Variants in HMBOX1 observed in about 807,000 individuals in gnomAD.
HMBOX1 encodes the protein homeobox-containing protein 1.
Under a neutral mutation model 54.5 loss-of-function variants are expected in HMBOX1, and 14 were observed. The ratio of observed to expected loss-of-function variants is 0.26; its 90% CI spans 0.17 to 0.40. The LOEUF (loss-of-function observed/expected upper bound fraction) is 0.40, where lower values mean the gene tolerates loss of function less well. HMBOX1 is among the 10% of genes least tolerant of loss of function. The pLI, the probability that HMBOX1 is intolerant of heterozygous loss-of-function variation, is 1.00. For synonymous variants in HMBOX1, 160 were observed against 181.0 expected (o/e 0.88, Z 0.93); for missense variants, 332 against 514.4 (o/e 0.65, Z 3.43).
At chr8:28,978,070 C>A (rs962695007) in intron 3 of HMBOX1, among the ~76,000 whole-genome samples, 3 of 152,034 alleles carry the variant, frequency 2.0e-5, no homozygotes, top group African/African-American at 7.2e-5. Context: ...TTAATTTTTT[C>A]CTTTAGGAAT....
intron 4 of HMBOX1, among the ~76,000 whole-genome samples, chr8:29,000,002 T>G (rs1832403199): frequency 6.6e-6 from 1 of 152,242 alleles, no homozygotes; most frequent in Non-Finnish European, 1.5e-5. Context: ...ATGTGGAAAC[T>G]CTGGAAATCA....
intron 6 of HMBOX1, among the ~76,000 whole-genome samples, chr8:29,027,688 G>C (rs1802279046): frequency 1.3e-5 from 2 of 152,150 alleles, no homozygotes; most frequent in Non-Finnish European, 2.9e-5. Context: ...ATAAATGTGA[G>C]AATACCTAGC....
At position 28,954,197 on chromosome 8, in the gene HMBOX1, T is replaced by C. The variant is rs1470872370; in HGVS notation, c.-57-9614T>C. Among the ~76,000 whole-genome samples, 4 of 152,192 alleles carry C rather than the reference T, an allele frequency of 2.6e-5. No individual in the cohort carries two copies. The East Asian group carries it at 7.7e-4, about 29-fold the overall frequency. On this transcript the variant is annotated intron_variant, in intron 1 of 9. Transcript: ENST00000287701. ...AATTTATGGGATTCTGAGCATTGCA[T>C]ACTTCTCTATTTTAAACTTTTTTGG...
chr8:29,015,283 C>T (rs1407303766), intron 5 of HMBOX1, among the ~76,000 whole-genome samples: 6 of 152,102 alleles, frequency 3.9e-5, no homozygotes, highest in South Asian at 2.1e-4. Flanking sequence ...AGGAGCATGC[C>T]GCAATTATGG....
intron 1 of HMBOX1, among the ~76,000 whole-genome samples, chr8:28,916,231 C>G (rs939759374): frequency 6.6e-6 from 1 of 152,190 alleles, no homozygotes; most frequent in Non-Finnish European, 1.5e-5. Flanking sequence ...TCCCCAGAAT[C>G]CCTCAGCAGA....
intron 1 of HMBOX1, among the ~76,000 whole-genome samples, chr8:28,906,008 G>C (rs1396029222): frequency 1.3e-5 from 2 of 152,070 alleles, no homozygotes; most frequent in Non-Finnish European, 2.9e-5. Flanking sequence ...ATTTATGCAG[G>C]CTGACTCATT....
intron 5 of HMBOX1, among the ~76,000 whole-genome samples, chr8:29,016,997 G>T (rs1227566592): frequency 6.6e-6 from 1 of 152,200 alleles, no homozygotes; most frequent in Non-Finnish European, 1.5e-5. Context: ...GGAGGTTGAT[G>T]TCCACATTCC....
chr8:29,050,925 G>A lies in HMBOX1; in HGVS notation c.1126-93G>A, dbSNP rs777901716. The A allele has an allele frequency of 1.3e-4, 164 of 1,293,500 alleles. 1 individual carries two copies. Among genetic ancestry groups the A allele is most frequent in the Non-Finnish European group, 1.5e-4 (140 of 937,584 alleles). The allele number at this position is 1,293,500 out of a possible 1,614,324, so 80.1% of individuals were successfully genotyped here. A position where few individuals can be genotyped will look rare whatever the true frequency, so the allele number is the denominator to read the frequency against. ...AGCCCCTCCCCCAGTTTCCTCCCACGAATGTTCTGCCTCCCCTTGCCCCAG... is the reference window on the plus strand; with the variant it reads ...AGCCCCTCCCCCAGTTTCCTCCCACAAATGTTCTGCCTCCCCTTGCCCCAG... On this transcript the variant is annotated intron_variant, in intron 9 of 9. Transcript: ENST00000287701.
chr8:28,915,767 T>C (rs894108638), intron 1 of HMBOX1: 2 of 151,910 alleles, frequency 1.3e-5, no homozygotes, highest in Non-Finnish European at 2.9e-5. Context: ...CCTGATCAGC[T>C]TTAGCACACT....
At chr8:29,027,098 A>G (rs544208375) in intron 6 of HMBOX1, among the ~76,000 whole-genome samples, 24 of 152,326 alleles carry the variant, frequency 1.6e-4, no homozygotes, top group African/African-American at 5.5e-4. Flanking sequence ...TTTTTTTAAT[A>G]AAGCATTTGC....
chr8:28,928,401 G>T (rs1032732238), intron 1 of HMBOX1, among the ~76,000 whole-genome samples: 2 of 152,098 alleles, frequency 1.3e-5, no homozygotes, highest in Non-Finnish European at 2.9e-5. Context: ...AATCTGAGAG[G>T]TCTATTGGGA....
At chr8:28,919,800 G>A (rs1401257750) in intron 1 of HMBOX1, among the ~76,000 whole-genome samples, 4 of 152,042 alleles carry the variant, frequency 2.6e-5, no homozygotes, top group South Asian at 2.1e-4. Flanking sequence ...ATCAAATTTT[G>A]TTACACATGA....
chr8:29,015,225 C>G (rs1303790343), intron 5 of HMBOX1, among the ~76,000 whole-genome samples: 2 of 152,134 alleles, frequency 1.3e-5, no homozygotes, highest in African/African-American at 4.8e-5. Context: ...GGTTAGGATT[C>G]TTTCTGTTCT....
At chr8:28,948,760 G>T (rs1325512625) in intron 1 of HMBOX1, among the ~76,000 whole-genome samples, 1 of 152,042 alleles carries the variant, frequency 6.6e-6, no homozygotes, top group African/African-American at 2.4e-5. Context: ...GTTAATATCA[G>T]TTCTAGCTTA....
chr8:28,978,022 A>G (rs1032469103), intron 3 of HMBOX1, among the ~76,000 whole-genome samples: 2 of 152,164 alleles, frequency 1.3e-5, no homozygotes, highest in African/African-American at 4.8e-5. Context: ...ACCAGAATCT[A>G]GATCAGTATG....
chr8:29,051,526 GT>G lies in HMBOX1; in HGVS notation c.*372del, dbSNP rs1806423728. On this transcript the variant is annotated 3_prime_UTR_variant, in exon 10 of 10. Coordinates refer to ENST00000287701, the MANE Select transcript of HMBOX1 (RefSeq NM_001135726.3). ...GTACCTTTAGATTCTTGTAACACTAGTCTGTACTCCCTTTTCCTTCCCCAAG... is the reference window on the plus strand; with the variant it reads ...GTACCTTTAGATTCTTGTAACACTAGCTGTACTCCCTTTTCCTTCCCCAAG... The G allele has an allele frequency of 2.8e-6, 2 of 702,926 alleles. No homozygotes were observed. Among genetic ancestry groups the G allele is most frequent in the East Asian group, 5.4e-5 (2 of 37,284 alleles). 43.5% of individuals were successfully genotyped at this position (702,926 alleles called of 1,614,324 possible).
chr8:29,003,494 GTGTATA>G (rs1437912828), intron 4 of HMBOX1, among the ~76,000 whole-genome samples: 2 of 38,832 alleles, frequency 5.2e-5, no homozygotes, highest in Non-Finnish European at 1.1e-4. Context: ...TTGTGTGTGT[GTGTATA>G]TATATATATA....
intron 2 of HMBOX1, among the ~76,000 whole-genome samples, chr8:28,966,460 C>T (rs1055571035): frequency 6.6e-6 from 1 of 152,150 alleles, no homozygotes; most frequent in African/African-American, 2.4e-5. Context: ...TCTGAACAAT[C>T]CTTGTGCATA....
intron 4 of HMBOX1, among the ~76,000 whole-genome samples, chr8:28,988,680 GA>G (rs1192622024): frequency 6.6e-6 from 1 of 152,114 alleles, no homozygotes; most frequent in African/African-American, 2.4e-5. Context: ...TCTAATGACT[GA>G]TTATGTTGAG....
Sources: allele counts gnomAD v4.1 joint callset (sites outside exome capture counted in the v4.1 genomes callset), GRCh38; gene constraint gnomAD v4.1.1; transcripts MANE v1.5; gene names NCBI Gene and HGNC (gene_info 2026-07-23, HGNC 2026-07-21).